TCF20: variants seen among roughly 807,000 people sequenced by gnomAD.
The protein encoded by TCF20 is transcription factor 20.
A neutral mutation model predicts 148.6 loss-of-function variants in TCF20; 3 were observed. The observed-to-expected ratio is 0.02, with a 90% CI of 0.01 to 0.05. The LOEUF is 0.05. Among genes scored for constraint, TCF20 ranks in the 10% least tolerant of loss-of-function variants. The pLI is 1.00. For synonymous variants in TCF20, 1,049 were observed against 909.5 expected (o/e 1.15, Z -2.76); for missense variants, 2,350 against 2,429.3 (o/e 0.97, Z 0.69).
chr22:42,164,519 G>A (rs902819117), intron 5 of TCF20, among the ~76,000 whole-genome samples: 4 of 151,848 alleles, frequency 2.6e-5, no homozygotes, highest in East Asian at 2.0e-4. Flanking sequence ...CACTGTGCCC[G>A]GCCTGGGATG....
intron 2 of TCF20, among the ~76,000 whole-genome samples, chr22:42,191,892 T>G (rs947474492): frequency 3.9e-5 from 6 of 152,196 alleles, no homozygotes; most frequent in Non-Finnish European, 5.9e-5. Context: ...AGCCCTGTGA[T>G]GAAGAAAGAG....
intron 2 of TCF20, among the ~76,000 whole-genome samples, chr22:42,208,584 C>CAACAAAACAA (rs534669206): frequency 1.3e-5 from 2 of 151,922 alleles, no homozygotes; most frequent in African/African-American, 2.4e-5. Context: ...GCCTGAGTGA[C>CAACAAAACAA]AACAAAACAA....
At chr22:42,230,047 T>A (rs181181317) in intron 1 of TCF20, among the ~76,000 whole-genome samples, 31 of 152,340 alleles carry the variant, frequency 2.0e-4, no homozygotes, top group Middle Eastern at 3.4e-3. Flanking sequence ...ATCTGATTAA[T>A]TCACCCCCTA....
At chr22:42,236,090 C>T (rs1923858729) in intron 1 of TCF20, among the ~76,000 whole-genome samples, 1 of 151,928 alleles carries the variant, frequency 6.6e-6, no homozygotes, top group Non-Finnish European at 1.5e-5. Context: ...GAATCACTTG[C>T]TTGTACACCC....
chr22:42,166,283 C>CTTCA (rs1935780651), intron 5 of TCF20, among the ~76,000 whole-genome samples: 1 of 152,202 alleles, frequency 6.6e-6, no homozygotes, highest in Non-Finnish European at 1.5e-5. Flanking sequence ...CATCACTGTG[C>CTTCA]TTCAACCCAG....
chr22:42,183,428 C>G (rs1936877472), intron 2 of TCF20, among the ~76,000 whole-genome samples: 2 of 152,190 alleles, frequency 1.3e-5, no homozygotes, highest in Admixed American at 1.3e-4. Flanking sequence ...ACGATTCCCC[C>G]CCAGAGGGAG....
intron 3 of TCF20, among the ~76,000 whole-genome samples, chr22:42,178,199 G>GTGGC (rs1936558509): frequency 6.6e-6 from 1 of 152,152 alleles, no homozygotes; most frequent in African/African-American, 2.4e-5. Flanking sequence ...TTTCTTTCAT[G>GTGGC]TGGCTGTTCA....
At chr22:42,306,080 G>A (rs751291409) in intron 1 of TCF20, among the ~76,000 whole-genome samples, 5 of 152,238 alleles carry the variant, frequency 3.3e-5, no homozygotes, top group African/African-American at 9.6e-5. Context: ...CTGCCTCTGC[G>A]AGGGGGCACC....
upstream of TCF20, among the ~76,000 whole-genome samples, chr22:42,287,189 T>C (rs1406813037): frequency 6.6e-6 from 1 of 152,136 alleles, no homozygotes; most frequent in Non-Finnish European, 1.5e-5. Context: ...GTTGCCTCTA[T>C]TTGGGAGCAC....
rs1217789448 is a variant in TCF20, at chr22:42,297,959, C to T, written c.-37+45520G>A. Among the ~76,000 whole-genome samples, 9 of 152,166 alleles carry T rather than the reference C, an allele frequency of 5.9e-5. No homozygotes were observed. In the East Asian group the frequency reaches 1.4e-3, roughly 23 times the overall value. On this transcript the variant is annotated intron_variant, in intron 1 of 1. Transcript: ENST00000515426. This position sits in a 1 kb window ranked among gnomAD's most constrained non-coding sequence, Gnocchi z 4.3. The stretch of plus-strand genomic sequence containing the variant: ...CTGGGCCTGGGGGTGCAAAGGTGAC[C>T]GCTCAGCCCAGCTGCTCACATCTGT...
At chr22:42,229,505 A>AT (rs146529414) in intron 1 of TCF20, among the ~76,000 whole-genome samples, 6,540 of 152,284 alleles carry the variant, frequency 0.043, 201 homozygotes, top group Non-Finnish European at 0.071. Context: ...ACACTGTTCT[A>AT]TCCTGAAAAG....
rs12159929 is a variant in TCF20 at position 42,225,659 on chromosome 22, A to C, written c.-36-10318T>G. On this transcript the variant is annotated intron_variant, in intron 1 of 5. Transcript: ENST00000677622. Reference sequence around the variant, plus strand: ...AAAAAAAAATTACAACCCTTGAACTATCTCAACAGTATCAGAGCTTTATCT... The same window carrying C: ...AAAAAAAAATTACAACCCTTGAACTCTCTCAACAGTATCAGAGCTTTATCT... Among the ~76,000 whole-genome samples, 424 of 151,234 alleles carry C rather than the reference A, an allele frequency of 2.8e-3. 4 individuals carry two copies. Among genetic ancestry groups the C allele is most frequent in the African/African-American group, 9.6e-3 (395 of 41,166 alleles).
chr22:42,235,332 C>T (rs888079720), intron 1 of TCF20, among the ~76,000 whole-genome samples: 15 of 152,040 alleles, frequency 9.9e-5, no homozygotes, highest in African/African-American at 3.6e-4. Flanking sequence ...TAAAACTTTC[C>T]TCCTCCCTTC....
chr22:42,337,221 C>A (rs775238923), intron 1 of TCF20, among the ~76,000 whole-genome samples: 9 of 152,102 alleles, frequency 5.9e-5, no homozygotes, highest in Non-Finnish European at 8.8e-5. Flanking sequence ...ATTCCCAAAC[C>A]CACGCTGCCA....
At chr22:42,295,393 G>T (rs757290772) in intron 1 of TCF20, among the ~76,000 whole-genome samples, 10 of 151,070 alleles carry the variant, frequency 6.6e-5, no homozygotes, top group Non-Finnish European at 1.5e-4. Flanking sequence ...TGGGGCCTCT[G>T]CCCTGGCTGT....
intron 1 of TCF20, among the ~76,000 whole-genome samples, chr22:42,342,193 T>A (rs188907082): frequency 1.3e-3 from 197 of 152,200 alleles, no homozygotes; most frequent in Non-Finnish European, 2.3e-3. Context: ...GAGCTGCATT[T>A]AAAATGATAG....
chr22:42,182,428 T>C (rs1325256715), intron 2 of TCF20, among the ~76,000 whole-genome samples: 1 of 152,086 alleles, frequency 6.6e-6, no homozygotes, highest in Non-Finnish European at 1.5e-5. Context: ...ACAAAGACCA[T>C]CTCATGAAAA....
At chr22:42,280,170 T>C (rs1569199701) in intron 1 of TCF20, among the ~76,000 whole-genome samples, 2 of 152,134 alleles carry the variant, frequency 1.3e-5, no homozygotes, top group Non-Finnish European at 2.9e-5. Context: ...ATGGAAACCT[T>C]CCAAGAAAAC....
intron 2 of TCF20, among the ~76,000 whole-genome samples, chr22:42,188,293 C>CAAAAAAAAAAA (rs58945649): frequency 0.051 from 2,501 of 49,372 alleles, 711 homozygotes; most frequent in Non-Finnish European, 0.079. Flanking sequence ...AACTCCGTCT[C>CAAAAAAAAAAA]AAAAAAAAAA....
Sources: gnomAD v4.1 joint callset for allele counts (sites outside exome capture counted in the v4.1 genomes callset) on GRCh38, gnomAD v4.1.1 for gene constraint, Gnocchi (gnomAD v3.1) non-coding constraint, MANE v1.5 for transcripts, NCBI Gene and HGNC (gene_info 2026-07-23, HGNC 2026-07-21) for gene names.